The following MARCHF8 variants were observed in gnomAD, a reference collection of about 807,000 sequenced individuals.
The protein encoded by MARCHF8 is membrane associated ring-CH-type finger 8.
Under a neutral mutation model 51.6 loss-of-function variants are expected in MARCHF8, and 40 were observed. That is an observed-to-expected ratio of 0.77 (90% confidence interval 0.60 to 1.01). MARCHF8 has a LOEUF of 1.01. MARCHF8 is among the 50% of genes least tolerant of loss of function. The pLI is 0.00. For missense variants in MARCHF8, 685 were observed against 708.6 expected (o/e 0.97, Z 0.38); for synonymous variants, 263 against 280.3 (o/e 0.94, Z 0.62).
At chr10:45,548,731 G>A (rs755077303) in intron 1 of MARCHF8, among the ~76,000 whole-genome samples, 1 of 152,110 alleles carries the variant, frequency 6.6e-6, no homozygotes, top group African/African-American at 2.4e-5. Flanking sequence ...GGCCAGGCAC[G>A]GTGGCTCATG....
At chr10:45,579,377 T>C (rs1451143733) in intron 1 of MARCHF8, among the ~76,000 whole-genome samples, 1 of 149,544 alleles carries the variant, frequency 6.7e-6, no homozygotes, top group Admixed American at 6.7e-5. Context: ...TTTTTTTTTT[T>C]ACAAAAATGA....
chr10:45,517,443 C>T (rs1727632661), intron 2 of MARCHF8, among the ~76,000 whole-genome samples: 1 of 152,148 alleles, frequency 6.6e-6, no homozygotes, highest in Non-Finnish European at 1.5e-5. Context: ...TTACCACCAT[C>T]CCCTTGGTGC....
intron 1 of MARCHF8, among the ~76,000 whole-genome samples, chr10:45,568,704 C>A (rs1381771347): frequency 9.8e-6 from 1 of 101,876 alleles, no homozygotes; most frequent in Non-Finnish European, 1.8e-5. Flanking sequence ...GGTGACAGAG[C>A]GAGACTGTTT....
chr10:45,530,452 T>A (rs2043859037), intron 2 of MARCHF8, among the ~76,000 whole-genome samples: 1 of 152,180 alleles, frequency 6.6e-6, no homozygotes, highest in Non-Finnish European at 1.5e-5. Context: ...AATTTTTCTG[T>A]AAATCTAAAA....
intron 3 of MARCHF8, among the ~76,000 whole-genome samples, chr10:45,470,203 A>G (rs1182217591): frequency 1.3e-5 from 2 of 152,198 alleles, no homozygotes; most frequent in Admixed American, 6.5e-5. Context: ...AGGAGTCTAC[A>G]TGCGCATGCT....
intron 3 of MARCHF8, among the ~76,000 whole-genome samples, chr10:45,483,490 T>TATGAAAA (rs1466235538): frequency 6.6e-6 from 1 of 152,138 alleles, no homozygotes; most frequent in Admixed American, 6.6e-5. Flanking sequence ...GTACAACCAG[T>TATGAAAA]ATGAAAAATA....
intron 1 of MARCHF8, among the ~76,000 whole-genome samples, chr10:45,580,003 CAAAAAAA>C (rs34446338): frequency 1.8e-3 from 66 of 36,468 alleles, no homozygotes; most frequent in Non-Finnish European, 3.0e-3. Flanking sequence ...ACTCCGTCTC[CAAAAAAA>C]AAAAAAAAAA....
intron 2 of MARCHF8, among the ~76,000 whole-genome samples, chr10:45,528,349 AC>A (rs2043823951): frequency 6.6e-6 from 1 of 152,186 alleles, no homozygotes; most frequent in South Asian, 2.1e-4. Flanking sequence ...TACCTGGAAA[AC>A]CCTAAGACTC....
rs534622390 is a variant in MARCHF8 at position 45,473,756 on chromosome 10, G to T, written c.154-9429C>A. Among the ~76,000 whole-genome samples, 11 of 152,270 alleles carry T rather than the reference G, an allele frequency of 7.2e-5. No individual in the cohort carries two copies. The East Asian group carries it at 2.1e-3, about 29-fold the overall frequency. ...GGATTTTAGGCCAAAGTACTCACAT[G>T]AACAGCCACAGTCAACACAATCTTG... On this transcript the variant is annotated intron_variant, in intron 3 of 7. Transcript: ENST00000453424.
rs547982506 is a variant in MARCHF8 at position 45,463,848 on chromosome 10, A to G, written c.391T>C (p.Ser131Pro). ...KDTLQASKRN[S>P]FGSEWAQALK... ...GCCTGGGCCCATTCTGAACCAAAGG[A>G]ATTTCTCTTTGACGCCTGTAATGTG... Residue 131 changes from serine to proline, a missense_variant, in exon 5 of 8, where the codon TCC becomes CCC. Ser to Pro is a moderately conservative substitution (Grantham distance 74). Coordinates refer to ENST00000453424, the MANE Select transcript of MARCHF8 (RefSeq NM_001282866.2). The G allele has an allele frequency of 1.9e-5, 30 of 1,542,624 alleles. 1 individual carries two copies. The East Asian group carries it at 7.1e-4, about 36-fold the overall frequency.
chr10:45,536,938 T>A (rs561825552), upstream of MARCHF8, among the ~76,000 whole-genome samples: 2 of 151,264 alleles, frequency 1.3e-5, no homozygotes, highest in East Asian at 3.9e-4. Context: ...ATCATGGAAA[T>A]ACAAATCAAA....
intron 1 of MARCHF8, among the ~76,000 whole-genome samples, chr10:45,578,159 C>T (rs1031112884): frequency 1.3e-5 from 2 of 152,252 alleles, no homozygotes; most frequent in Middle Eastern, 3.4e-3. Context: ...CATCATATAT[C>T]CAGATCTTGA....
At chr10:45,512,349 TG>T (rs1475248918) in intron 2 of MARCHF8, among the ~76,000 whole-genome samples, 1 of 134,012 alleles carries the variant, frequency 7.5e-6, no homozygotes, top group Non-Finnish European at 1.6e-5. Context: ...GGGAGGGAGG[TG>T]GGGGTCAGCC....
chr10:45,533,607 A>G (rs1826974728), intron 1 of MARCHF8, among the ~76,000 whole-genome samples: 1 of 151,870 alleles, frequency 6.6e-6, no homozygotes, highest in Admixed American at 6.6e-5. Flanking sequence ...TTGAAGTTAA[A>G]CTTTTTTTTT....
At chr10:45,487,407 T>C (rs1029922167) in intron 3 of MARCHF8, among the ~76,000 whole-genome samples, 1 of 152,232 alleles carries the variant, frequency 6.6e-6, no homozygotes. Context: ...CCTTGGCTAC[T>C]AGGGCAAGGC....
chr10:45,464,023 C>T (rs1842885202), intron 4 of MARCHF8, 27 bp from the exon 5 acceptor site: 2 of 1,512,054 alleles, frequency 1.3e-6, no homozygotes, highest in African/African-American at 2.8e-5. Flanking sequence ...GGGATAAAAG[C>T]ACAGAAAGTA....
intron 3 of MARCHF8, among the ~76,000 whole-genome samples, chr10:45,465,511 AC>A (rs530363310): frequency 1.4e-3 from 206 of 152,136 alleles, no homozygotes; most frequent in Admixed American, 2.7e-3. Context: ...CACCTTTGGG[AC>A]CCCCGACCCT....
chr10:45,578,973 T>C (rs2044520608), intron 1 of MARCHF8, among the ~76,000 whole-genome samples: 1 of 152,206 alleles, frequency 6.6e-6, no homozygotes, highest in Admixed American at 6.5e-5. Flanking sequence ...GATTCAGGAC[T>C]GGATACTGGA....
At chr10:45,593,957 G>T (rs2044708750) in intron 1 of MARCHF8, among the ~76,000 whole-genome samples, 1 of 152,232 alleles carries the variant, frequency 6.6e-6, no homozygotes, top group South Asian at 2.1e-4. Flanking sequence ...AGGGTAGTTA[G>T]CGTGGGGATG....
Sources: gnomAD v4.1 joint callset for allele counts (sites outside exome capture counted in the v4.1 genomes callset) on GRCh38, gnomAD v4.1.1 for gene constraint, MANE v1.5 for transcripts, NCBI Gene and HGNC (gene_info 2026-07-23, HGNC 2026-07-21) for gene names.